Variants in VPS13B observed in about 807,000 individuals in gnomAD.
The protein encoded by VPS13B is vacuolar protein sorting 13 homolog B, also known as intermembrane lipid transfer protein VPS13B.
A neutral mutation model predicts 426.4 loss-of-function variants in VPS13B; 285 were observed. The observed-to-expected ratio is 0.67, with a 90% CI of 0.61 to 0.74. The LOEUF is 0.74. Ranked by LOEUF, VPS13B falls within the 30% of genes least tolerant of loss-of-function variation. VPS13B has a pLI of 0.00. For synonymous variants in VPS13B, 1,676 were observed against 1,676.4 expected, an observed-to-expected ratio of 1.00 and a Z score of 0.01; for missense variants, 4,537 against 4,782.6, an observed-to-expected ratio of 0.95 and a Z score of 1.51.
intron 35 of VPS13B, among the ~76,000 whole-genome samples, chr8:99,670,943 T>C (rs1275267726): frequency 6.6e-6 from 1 of 152,142 alleles, no homozygotes; most frequent in Admixed American, 6.6e-5. Context: ...GCAGTAAACA[T>C]AGGAGTGCAA....
chr8:99,776,506 G>T (rs1811748404), intron 40 of VPS13B, among the ~76,000 whole-genome samples: 1 of 152,084 alleles, frequency 6.6e-6, no homozygotes, highest in Non-Finnish European at 1.5e-5. Context: ...TGTTACCCAG[G>T]CTGGTCTCGA....
At chr8:99,388,862 C>CA (rs1814270523) in intron 20 of VPS13B, among the ~76,000 whole-genome samples, 1 of 152,252 alleles carries the variant, frequency 6.6e-6, no homozygotes, top group Non-Finnish European at 1.5e-5. Flanking sequence ...AAAATACACT[C>CA]AGAGTTGACT....
At chr8:99,091,958 T>C (rs950675671) in intron 3 of VPS13B, 1 of 152,284 alleles carries the variant, frequency 6.6e-6, no homozygotes, top group Non-Finnish European at 1.5e-5. Context: ...TTCAGCTCTT[T>C]CCTGCATCTT....
chr8:99,749,801 T>C (rs192562654), intron 39 of VPS13B, among the ~76,000 whole-genome samples: 66 of 152,228 alleles, frequency 4.3e-4, no homozygotes, highest in African/African-American at 1.4e-3. Flanking sequence ...TTTTTAGTTT[T>C]GTGAGGACCC....
intron 39 of VPS13B, among the ~76,000 whole-genome samples, chr8:99,761,697 G>A (rs146749636): frequency 7.9e-5 from 12 of 152,128 alleles, no homozygotes; most frequent in South Asian, 6.2e-4. Flanking sequence ...TTTATATTCC[G>A]TTATTTGTAT....
chr8:99,393,093 A>C (rs1379039857), intron 21 of VPS13B, among the ~76,000 whole-genome samples: 1 of 152,132 alleles, frequency 6.6e-6, no homozygotes, highest in Non-Finnish European at 1.5e-5. Context: ...AAATGGTAAG[A>C]ATTACCTTAC....
intron 58 of VPS13B, among the ~76,000 whole-genome samples, chr8:99,863,469 G>A (rs1816936506): frequency 1.3e-5 from 2 of 152,010 alleles, no homozygotes; most frequent in South Asian, 4.2e-4. Context: ...GCCCTTATAG[G>A]AGCTTCTAGG....
chr8:99,689,126 C>T (rs969297691), intron 35 of VPS13B, among the ~76,000 whole-genome samples: 6 of 151,964 alleles, frequency 3.9e-5, no homozygotes, highest in African/African-American at 1.5e-4. Flanking sequence ...CAATTGTTCT[C>T]CTTGGTGGGG....
At chr8:99,207,639 A>G (rs1171048543) in intron 17 of VPS13B, among the ~76,000 whole-genome samples, 1 of 152,218 alleles carries the variant, frequency 6.6e-6, no homozygotes, top group Non-Finnish European at 1.5e-5. Flanking sequence ...TCTTTTATGA[A>G]CATCATAAAA....
intron 43 of VPS13B, among the ~76,000 whole-genome samples, chr8:99,806,093 G>A (rs969975644): frequency 3.3e-5 from 5 of 152,182 alleles, no homozygotes; most frequent in Admixed American, 1.3e-4. Flanking sequence ...GCCTCTCCAC[G>A]TGCTCTCACT....
At chr8:99,448,501 A>G (rs2133454546) in intron 23 of VPS13B, among the ~76,000 whole-genome samples, 2 of 152,276 alleles carry the variant, frequency 1.3e-5, no homozygotes, top group South Asian at 4.1e-4. Flanking sequence ...AAAATATTAT[A>G]AGCCTTTGAT....
rs374153644 is a variant in VPS13B at position 99,717,262 on chromosome 8, A to G, written c.6546A>G (p.Pro2182=). Reference sequence around the variant, plus strand: ...AAAGAAGCCGCATTCTGATAGGACCATGTTGTGCTACTGCCAATCTGGAAG... The same window carrying G: ...AAAGAAGCCGCATTCTGATAGGACCGTGTTGTGCTACTGCCAATCTGGAAG... ...LKERSRILIG[P]CCATANLEAK... is the part of the protein sequence containing the mutation. Residue 2182 remains proline (P), a synonymous_variant, in exon 37 of 62, where the codon CCA becomes CCG. Transcript: ENST00000357162. 2.5e-6 allele frequency: 4 copies of G among 1,614,084 alleles called. No individual in the cohort carries two copies. Among genetic ancestry groups the G allele is most frequent in the South Asian group, 1.1e-5 (1 of 91,090 alleles).
chr8:99,642,353 T>C lies in VPS13B; in HGVS notation c.5763T>C (p.Thr1921=). 1 of 1,614,180 alleles carries C rather than the reference T, an allele frequency of 6.2e-7. No homozygotes were observed. Among genetic ancestry groups the C allele is most frequent in the African/African-American group, 1.3e-5 (1 of 75,066 alleles). The change falls in exon 34 of 62, where the codon ACT becomes ACC. Residue 1921 remains threonine, a synonymous_variant. Transcript: ENST00000357162. ...TIVRQPGRRG[T]GDLQLEPFLY... The stretch of plus-strand genomic sequence containing the variant: ...TTCGGCAGCCTGGTCGAAGAGGAAC[T>C]GGTGACTTACAGCTAGAGCCTTTTC...
At chr8:99,614,065 ACAC>A (rs1827959879) in intron 33 of VPS13B, 1 of 152,232 alleles carries the variant, frequency 6.6e-6, no homozygotes, top group Non-Finnish European at 1.5e-5. Context: ...CTACAGACGC[ACAC>A]CATAGGAACC....
intron 19 of VPS13B, among the ~76,000 whole-genome samples, chr8:99,360,150 CTTTCTT>C (rs1466019381): frequency 3.1e-5 from 1 of 31,958 alleles, no homozygotes; most frequent in African/African-American, 1.5e-4. Flanking sequence ...TTCTTTCTTT[CTTTCTT>C]TCTTTCTTTC....
intron 37 of VPS13B, among the ~76,000 whole-genome samples, chr8:99,720,092 A>C (rs1177881024): frequency 1.1e-4 from 16 of 152,146 alleles, no homozygotes; most frequent in Non-Finnish European, 1.5e-5. Flanking sequence ...ACATCAACAT[A>C]ATTTCAATTC....
At chr8:99,727,521 G>A (rs889174085) in intron 39 of VPS13B, among the ~76,000 whole-genome samples, 14 of 152,288 alleles carry the variant, frequency 9.2e-5, no homozygotes, top group African/African-American at 3.4e-4. Flanking sequence ...AAGACAAAAA[G>A]GAGCAAGTCA....
intron 21 of VPS13B, among the ~76,000 whole-genome samples, chr8:99,403,377 C>T (rs754127059): frequency 7.9e-5 from 12 of 151,880 alleles, no homozygotes; most frequent in Non-Finnish European, 1.3e-4. Context: ...GGTGAAACCC[C>T]GTCTCTACTA....
In VPS13B at chr8:99,511,354, C is replaced by T. The variant is rs778776250; in HGVS notation, c.4475C>T (p.Ala1492Val). The change falls in exon 29 of 62, where the codon GCA (alanine) becomes GTA (valine). Residue 1492 changes from alanine (A) to valine (V), a missense_variant. Physicochemically the swap from Ala to Val is moderately conservative, Grantham distance 64. Around this residue, in one of 2 missense-constraint regions of VPS13B, gnomAD observed 4,311 missense variants for 4,474.3 expected, o/e 0.96. Coordinates refer to ENST00000357162, the MANE Select transcript of VPS13B (RefSeq NM_152564.5). The stretch of plus-strand genomic sequence containing the variant: ...AATGCCATTGCAAGTATATTTCAAG[C>T]AAAACTACCAAAGACCCAAAAAGAG... ...LLNAIASIFQ[A>V]KLPKTQKEKR... is the part of the protein sequence containing the mutation. 1 of 1,613,838 alleles carries T rather than the reference C, an allele frequency of 6.2e-7. No homozygotes were observed. The highest frequency in any genetic ancestry group is 8.5e-7 in the Non-Finnish European group (1 of 1,179,956).
Sources: allele counts gnomAD v4.1 joint callset (sites outside exome capture counted in the v4.1 genomes callset), GRCh38; gene constraint gnomAD v4.1.1; regional missense constraint gnomAD v4.1.1; transcripts MANE v1.5; gene names NCBI Gene and HGNC (gene_info 2026-07-23, HGNC 2026-07-21).